IPO11: variants seen among roughly 807,000 people sequenced by gnomAD.
The protein encoded by IPO11 is importin-11.
In IPO11, 66 loss-of-function variants were observed where a neutral mutation model predicts 143.2. The ratio of observed to expected loss-of-function variants is 0.46; its 90% CI spans 0.38 to 0.57. IPO11 has a LOEUF of 0.57. Ranked by LOEUF, IPO11 falls within the 20% of genes least tolerant of loss-of-function variation. The pLI, the probability that IPO11 is intolerant of heterozygous loss-of-function variation, is 0.00. For missense variants in IPO11, 1,026 were observed against 1,141.0 expected, an observed-to-expected ratio of 0.90 and a Z score of 1.45; for synonymous variants, 385 against 377.8, an observed-to-expected ratio of 1.02 and a Z score of -0.22.
chr5:62,581,816 C>T lies in IPO11; in HGVS notation c.2583-9761C>T, dbSNP rs755385028. Among the ~76,000 whole-genome samples, 4 of 152,042 alleles carry T rather than the reference C, an allele frequency of 2.6e-5. No homozygotes were observed. In the South Asian group the frequency reaches 6.2e-4, roughly 24 times the overall value. On this transcript the variant is annotated intron_variant, in intron 27 of 29. Transcript: ENST00000325324. ...GGAGATATATGGTTACTGCACAGTG[C>T]GATGATAAGTACTGTACTTGGAGAT... is the stretch of plus-strand genomic sequence containing the variant.
intron 20 of IPO11, 104 bp downstream of exon 20, chr5:62,515,605 A>G: frequency 1.6e-6 from 1 of 618,368 alleles, no homozygotes; most frequent in Non-Finnish European, 2.6e-6. Context: ...TGGTAGTGAA[A>G]AACTTCACAT....
intron 24 of IPO11, among the ~76,000 whole-genome samples, chr5:62,550,080 A>G (rs1370887260): frequency 6.6e-6 from 1 of 152,204 alleles, no homozygotes; most frequent in Non-Finnish European, 1.5e-5. Context: ...GGTAAGAATT[A>G]CATTAACTGC....
At chr5:62,425,245 G>A (rs1323816326) in intron 1 of IPO11, among the ~76,000 whole-genome samples, 1 of 152,104 alleles carries the variant, frequency 6.6e-6, no homozygotes, top group East Asian at 1.9e-4. Flanking sequence ...AACCCTCCTT[G>A]GGGGGAAAGG....
intron 26 of IPO11, among the ~76,000 whole-genome samples, chr5:62,552,915 T>C (rs962204547): frequency 6.6e-6 from 1 of 152,178 alleles, no homozygotes; most frequent in African/African-American, 2.4e-5. Flanking sequence ...ATCAGGGTAA[T>C]TGACATATCT....
chr5:62,415,098 A>G (rs1743239906), intron 1 of IPO11, among the ~76,000 whole-genome samples: 1 of 152,230 alleles, frequency 6.6e-6, no homozygotes, highest in Non-Finnish European at 1.5e-5. Flanking sequence ...CTGTACAGGC[A>G]GCCTAACAAT....
chr5:62,418,571 G>A (rs188725960), intron 1 of IPO11, among the ~76,000 whole-genome samples: 2 of 152,270 alleles, frequency 1.3e-5, no homozygotes, highest in East Asian at 1.9e-4. Flanking sequence ...TAAGGATATC[G>A]GGAACATAGA....
intron 7 of IPO11, among the ~76,000 whole-genome samples, chr5:62,472,901 G>A (rs968092386): frequency 6.6e-6 from 1 of 152,168 alleles, no homozygotes; most frequent in Non-Finnish European, 1.5e-5. Context: ...GAGATTCTGG[G>A]CCCTGAAGGC....
chr5:62,602,331 A>G (rs919011545), intron 29 of IPO11, among the ~76,000 whole-genome samples: 6 of 152,186 alleles, frequency 3.9e-5, no homozygotes, highest in African/African-American at 1.4e-4. Flanking sequence ...AAAGAACAAA[A>G]AAAAAGGAAA....
intron 27 of IPO11, among the ~76,000 whole-genome samples, chr5:62,563,474 A>G (rs1035383885): frequency 1.3e-5 from 2 of 152,148 alleles, no homozygotes; most frequent in Non-Finnish European, 2.9e-5. Context: ...AACATATAAT[A>G]TTATGTAAGT....
intron 19 of IPO11, among the ~76,000 whole-genome samples, chr5:62,509,189 C>T (rs150121341): frequency 2.0e-5 from 3 of 152,270 alleles, no homozygotes; most frequent in African/African-American, 7.2e-5. Flanking sequence ...AATATGTAAT[C>T]ATCAGGCGTG....
At chr5:62,552,971 A>T (rs1743440419) in intron 26 of IPO11, among the ~76,000 whole-genome samples, 2 of 152,234 alleles carry the variant, frequency 1.3e-5, no homozygotes, top group African/African-American at 4.8e-5. Context: ...AACATACAAC[A>T]GCCTCCTTCT....
At chr5:62,599,318 T>G (rs1161127991) in intron 28 of IPO11, among the ~76,000 whole-genome samples, 1 of 152,246 alleles carries the variant, frequency 6.6e-6, no homozygotes, top group Non-Finnish European at 1.5e-5. Context: ...TTTAGACAAT[T>G]GCACTTATTC....
In IPO11 at chr5:62,483,181, T is replaced by C; in HGVS notation, c.909T>C (p.Val303=). Residue 303 remains valine (V), a synonymous_variant, in exon 10 of 30, where the codon GTT becomes GTC. Transcript: ENST00000325324. ...QRSLEFSVSY[V]FTEVGEGVTF... ...CACTGGAATTTTCTGTAAGCTATGT[T>C]TTTACAGAAGTTGGTGAAGGCGTTA... 4.4e-6 allele frequency: 7 copies of C among 1,608,754 alleles called. No individual in the cohort carries two copies. The highest frequency in any genetic ancestry group is 6.0e-6 in the Non-Finnish European group (7 of 1,175,784).
intron 27 of IPO11, among the ~76,000 whole-genome samples, chr5:62,588,884 A>G (rs186955197): frequency 3.4e-4 from 52 of 152,286 alleles, no homozygotes; most frequent in South Asian, 8.3e-4. Context: ...AAGGCCCTCT[A>G]TTACAAACAT....
At chr5:62,460,171 T>C (rs574622949) in intron 5 of IPO11, among the ~76,000 whole-genome samples, 2 of 152,258 alleles carry the variant, frequency 1.3e-5, no homozygotes, top group African/African-American at 4.8e-5. Flanking sequence ...TAATTTAATA[T>C]CATTTAATAC....
At chr5:62,445,183 T>G (rs561215554) in intron 3 of IPO11, among the ~76,000 whole-genome samples, 157 of 152,214 alleles carry the variant, frequency 1.0e-3, no homozygotes, top group African/African-American at 3.6e-3. Flanking sequence ...AAAAAGATGC[T>G]TGTTTCTGTA....
intron 5 of IPO11, among the ~76,000 whole-genome samples, chr5:62,461,057 A>G (rs247479): frequency 0.43 from 66,075 of 151,916 alleles, 14,935 homozygotes; most frequent in South Asian, 0.53. Flanking sequence ...TAAAGGGCTG[A>G]AAGGTGTTAA....
At chr5:62,517,605 G>A (rs1170075227) in intron 20 of IPO11, among the ~76,000 whole-genome samples, 1 of 152,146 alleles carries the variant, frequency 6.6e-6, no homozygotes, top group Non-Finnish European at 1.5e-5. Flanking sequence ...GTTTCTCCAT[G>A]TTGGTCAGGC....
intron 1 of IPO11, among the ~76,000 whole-genome samples, chr5:62,418,022 C>T (rs1234237403): frequency 1.3e-5 from 2 of 152,200 alleles, no homozygotes; most frequent in East Asian, 1.9e-4. Flanking sequence ...GACAGAATTT[C>T]ACTCGTAGCC....
Sources: allele counts gnomAD v4.1 joint callset (sites outside exome capture counted in the v4.1 genomes callset), GRCh38; gene constraint gnomAD v4.1.1; transcripts MANE v1.5; gene names NCBI Gene and HGNC (gene_info 2026-07-23, HGNC 2026-07-21).